The following ORAI2 variants were observed in gnomAD, a reference collection of about 807,000 sequenced individuals.
ORAI2 encodes the protein ORAI calcium release-activated calcium modulator 2.
ORAI2 carries 10 observed loss-of-function variants against 16.2 expected under a neutral mutation model. The observed-to-expected ratio is 0.62, with a 90% CI of 0.38 to 1.04. The LOEUF (loss-of-function observed/expected upper bound fraction) is 1.04, where lower values mean the gene tolerates loss of function less well. Among genes scored for constraint, ORAI2 ranks in the 50% least tolerant of loss-of-function variants. The pLI, the probability that ORAI2 is intolerant of heterozygous loss-of-function variation, is 0.01. For missense variants in ORAI2, 238 were observed against 355.5 expected (o/e 0.67, Z 2.66); for synonymous variants, 150 against 157.5 (o/e 0.95, Z 0.35).
chr7:102,435,423 C>A (rs1797034277), intron 1 of ORAI2, among the ~76,000 whole-genome samples: 1 of 152,132 alleles, frequency 6.6e-6, no homozygotes, highest in Non-Finnish European at 1.5e-5. Context: ...TCTGTCCCCT[C>A]CCCGGTGTTA....
In ORAI2 at chr7:102,446,567, C is replaced by T; in HGVS notation, c.280C>T (p.Leu94=). The T allele has an allele frequency of 1.9e-6, 3 of 1,613,278 alleles. No homozygotes were observed. Among genetic ancestry groups the T allele is most frequent in the Non-Finnish European group, 2.5e-6 (3 of 1,179,918 alleles). Residue 94 remains leucine, a synonymous_variant, in exon 4 of 4, where the codon CTG becomes TTG. Coordinates refer to ENST00000495936, the MANE Select transcript of ORAI2 (RefSeq NM_001126340.3). ...GCAGTACCAGTACCCGCGGCCGCTGCTGATTGCCTTCAGCGCCTGCACCAC... is the reference window on the plus strand; with the variant it reads ...GCAGTACCAGTACCCGCGGCCGCTGTTGATTGCCTTCAGCGCCTGCACCAC... ...ETQYQYPRPL[L]IAFSACTTVL...
chr7:102,435,018 T>G lies in ORAI2; in HGVS notation c.-122-1207T>G, dbSNP rs150847143. ...GGCGCAGTGGTTCATGCCTATAATCTCAGCACTTTGGGAGGCCAAGGTGGG... is the reference window on the plus strand; with the variant it reads ...GGCGCAGTGGTTCATGCCTATAATCGCAGCACTTTGGGAGGCCAAGGTGGG... On this transcript the variant is annotated intron_variant, in intron 1 of 3. Coordinates refer to ENST00000495936, the MANE Select transcript of ORAI2 (RefSeq NM_001126340.3). 3.7e-3 allele frequency among the ~76,000 whole-genome samples: 569 copies of G among 152,264 alleles called. 6 individuals carry two copies. The highest frequency in any genetic ancestry group is 0.013 in the African/African-American group (552 of 41,554).
rs1415792329 is a variant in ORAI2 at position 102,452,032 on chromosome 7, T to C, written c.*4980T>C. The C allele has an allele frequency of 6.6e-6, 1 of 152,232 alleles. No homozygotes were observed. The highest frequency in any genetic ancestry group is 1.5e-5 in the Non-Finnish European group (1 of 68,090). 9.4% of individuals were successfully genotyped at this position (152,232 alleles called of 1,614,324 possible). ...TTGAGGAGAGGAGCTACCAGAGCAC[T>C]GGTCACCTCAGGACATTCTCCAGCC... On this transcript the variant is annotated 3_prime_UTR_variant, in exon 4 of 4. Coordinates refer to ENST00000495936, the MANE Select transcript of ORAI2 (RefSeq NM_001126340.3).
chr7:102,436,919 C>T (rs1797075500), intron 2 of ORAI2, among the ~76,000 whole-genome samples: 1 of 152,144 alleles, frequency 6.6e-6, no homozygotes, highest in African/African-American at 2.4e-5. Flanking sequence ...CCATGTTGGC[C>T]AGGCTGGAAA....
chr7:102,433,868 C>G lies in ORAI2; in HGVS notation c.-123+207C>G, dbSNP rs1032867635. Among the ~76,000 whole-genome samples, 2 of 151,956 alleles carry G rather than the reference C, an allele frequency of 1.3e-5. No individual in the cohort carries two copies. The highest frequency in any genetic ancestry group is 2.9e-5 in the Non-Finnish European group (2 of 67,954). ...AGAGGATCAGGGTCGGCGGCGCAGCCGGTTCCGGACACCGGGGCGTCCCTG... is the reference window on the plus strand; with the variant it reads ...AGAGGATCAGGGTCGGCGGCGCAGCGGGTTCCGGACACCGGGGCGTCCCTG... On this transcript the variant is annotated intron_variant, in intron 1 of 3. Coordinates refer to ENST00000495936, the MANE Select transcript of ORAI2 (RefSeq NM_001126340.3). The surrounding 1 kb of genome is among the most constrained non-coding windows in gnomAD (Gnocchi z 4.6).
chr7:102,447,186 A>C lies in ORAI2; in HGVS notation c.*134A>C. 1 of 975,584 alleles carries C rather than the reference A, an allele frequency of 1.0e-6. No homozygotes were observed. The highest frequency in any genetic ancestry group is 2.6e-5 in the East Asian group (1 of 38,040). The allele number at this position is 975,584 out of a possible 1,614,324, so 60.4% of individuals were successfully genotyped here. On this transcript the variant is annotated 3_prime_UTR_variant, in exon 4 of 4. Transcript: ENST00000495936. Reference sequence around the variant, plus strand: ...GTTTTCCTCTTGTCTTAATACCATAAGGACTGGATGACTTCTCCTGAGATA... The same window carrying C: ...GTTTTCCTCTTGTCTTAATACCATACGGACTGGATGACTTCTCCTGAGATA...
intron 3 of ORAI2, among the ~76,000 whole-genome samples, chr7:102,445,224 G>A (rs1171473329): frequency 1.2e-5 from 1 of 80,974 alleles, no homozygotes; most frequent in Non-Finnish European, 2.2e-5. Flanking sequence ...GGCCATCCAG[G>A]TGTGCAGCTC....
At chr7:102,434,554 C>T (rs1360597655) in intron 1 of ORAI2, among the ~76,000 whole-genome samples, 1 of 152,194 alleles carries the variant, frequency 6.6e-6, no homozygotes, top group African/African-American at 2.4e-5. Context: ...CCCAGCCCAC[C>T]CTTACTGATG....
At position 102,456,772 on chromosome 7, in the gene ORAI2, T is replaced by C. The variant is rs1046955174; in HGVS notation, c.*9720T>C. The C allele has an allele frequency of 1.1e-4, 17 of 152,186 alleles. No individual in the cohort carries two copies. The highest frequency in any genetic ancestry group is 4.1e-4 in the African/African-American group (17 of 41,472). The allele number at this position is 152,186 out of a possible 1,614,324, so 9.4% of individuals were successfully genotyped here. On this transcript the variant is annotated 3_prime_UTR_variant, in exon 4 of 4. Transcript: ENST00000495936. The stretch of plus-strand genomic sequence containing the variant: ...CAAATGAAGGGACTGGACAGTGAGA[T>C]ATCGGGAAACCCCATGAAAATAGAT...
Position 102,446,584 on chromosome 7 carries a change from C to A in ORAI2, c.297C>A (p.Ala99=). 6.2e-7 allele frequency: 1 copy of A among 1,613,702 alleles called. No homozygotes were observed. The highest frequency in any genetic ancestry group is 1.1e-5 in the South Asian group (1 of 91,084). Residue 99 remains alanine (A), a synonymous_variant, in exon 4 of 4, where the codon GCC becomes GCA. Transcript: ENST00000495936. The part of the protein sequence containing the change: ...YPRPLLIAFS[A]CTTVLVAVHL... ...GGCCGCTGCTGATTGCCTTCAGCGC[C>A]TGCACCACGGTGCTGGTGGCCGTGC...
At chr7:102,442,542 C>G (rs1797233842) in intron 3 of ORAI2, among the ~76,000 whole-genome samples, 1 of 152,144 alleles carries the variant, frequency 6.6e-6, no homozygotes, top group East Asian at 1.9e-4. Context: ...CAAAGATCAG[C>G]CATGCGTGGT....
At chr7:102,440,931 C>T (rs1299564628) in intron 3 of ORAI2, among the ~76,000 whole-genome samples, 1 of 151,722 alleles carries the variant, frequency 6.6e-6, no homozygotes, top group Non-Finnish European at 1.5e-5. Flanking sequence ...CTTGCTCTGT[C>T]ACCCAGGCTG....
intron 2 of ORAI2, among the ~76,000 whole-genome samples, chr7:102,437,182 T>G (rs756059072): frequency 2.0e-5 from 3 of 152,240 alleles, no homozygotes; most frequent in Non-Finnish European, 4.4e-5. Flanking sequence ...CATCTCCGCC[T>G]TCTGTTTCTC....
intron 1 of ORAI2, among the ~76,000 whole-genome samples, chr7:102,434,088 A>G (rs1001495065): frequency 1.4e-5 from 2 of 143,130 alleles, no homozygotes; most frequent in Admixed American, 7.3e-5. Context: ...GCGTTATTCT[A>G]CAAGACCTGT....
intron 3 of ORAI2, among the ~76,000 whole-genome samples, chr7:102,442,802 G>A (rs1797239949): frequency 6.6e-6 from 1 of 151,414 alleles, no homozygotes; most frequent in Admixed American, 6.6e-5. Flanking sequence ...GTTGGAGTGA[G>A]CCGAGAACAT....
chr7:102,444,434 A>G (rs1490086885), intron 3 of ORAI2, among the ~76,000 whole-genome samples: 2 of 150,732 alleles, frequency 1.3e-5, no homozygotes, highest in Non-Finnish European at 3.0e-5. Context: ...TGTATTTTTC[A>G]CAGAGAAAGA....
intron 2 of ORAI2, among the ~76,000 whole-genome samples, chr7:102,437,666 C>G (rs1563633685): frequency 2.0e-5 from 3 of 152,146 alleles, no homozygotes; most frequent in Non-Finnish European, 2.9e-5. Context: ...ATCTGTGAAA[C>G]TAGCAGCTAC....
intron 3 of ORAI2, among the ~76,000 whole-genome samples, chr7:102,443,800 G>C (rs371218518): frequency 6.6e-6 from 1 of 151,906 alleles, no homozygotes; most frequent in African/African-American, 2.4e-5. Context: ...TTTGCGTCCC[G>C]GGTTCAAGAG....
intron 3 of ORAI2, among the ~76,000 whole-genome samples, chr7:102,444,630 A>T (rs923338824): frequency 1.3e-5 from 2 of 148,830 alleles, no homozygotes; most frequent in African/African-American, 5.0e-5. Context: ...GAAACAGTGG[A>T]AACAGTGGGT....
Sources: gnomAD v4.1 joint callset for allele counts (sites outside exome capture counted in the v4.1 genomes callset) on GRCh38, gnomAD v4.1.1 for gene constraint, Gnocchi (gnomAD v3.1) non-coding constraint, MANE v1.5 for transcripts, NCBI Gene and HGNC (gene_info 2026-07-23, HGNC 2026-07-21) for gene names.